The following ROBO1 variants were observed in gnomAD, a reference collection of about 807,000 sequenced individuals.
ROBO1 encodes the protein roundabout homolog 1.
A neutral mutation model predicts 195.9 loss-of-function variants in ROBO1; 149 were observed. The observed-to-expected ratio is 0.76, with a 90% CI of 0.67 to 0.87. The LOEUF (loss-of-function observed/expected upper bound fraction) is 0.87. Ranked by LOEUF, ROBO1 falls within the 40% of genes least tolerant of loss-of-function variation. The probability of loss-of-function intolerance (pLI) is 0.00; values close to 1 mark genes in which losing one functional copy is unlikely to be tolerated. For missense variants in ROBO1, 1,933 were observed against 2,068.3 expected, an observed-to-expected ratio of 0.93 and a Z score of 1.27; for synonymous variants, 816 against 733.2, an observed-to-expected ratio of 1.11 and a Z score of -1.82.
intron 8 of ROBO1, among the ~76,000 whole-genome samples, chr3:78,705,581 G>T (rs1335359361): frequency 6.6e-6 from 1 of 152,176 alleles, no homozygotes; most frequent in Non-Finnish European, 1.5e-5. Context: ...TGAATTTTAT[G>T]TGTCCATTTG....
At chr3:79,502,734 A>C (rs942244916) in intron 2 of ROBO1, among the ~76,000 whole-genome samples, 2 of 150,052 alleles carry the variant, frequency 1.3e-5, no homozygotes, top group South Asian at 4.2e-4. Context: ...AGGGATTGTA[A>C]ACACACCAAT....
chr3:79,047,280 T>C (rs577112137), intron 3 of ROBO1, among the ~76,000 whole-genome samples: 1 of 152,008 alleles, frequency 6.6e-6, no homozygotes, highest in Non-Finnish European at 1.5e-5. Flanking sequence ...GTTAAGGAGA[T>C]TTCCAAGCAA....
At chr3:79,071,720 ACATGCACACACACACACACG>A (rs1559638488) in intron 3 of ROBO1, among the ~76,000 whole-genome samples, 1 of 135,002 alleles carries the variant, frequency 7.4e-6, no homozygotes, top group South Asian at 2.1e-4. Context: ...ACACACATGC[ACATGCACACACACACACACG>A]CACACACACA....
At chr3:78,666,977 A>G (rs1207387215) in intron 14 of ROBO1, among the ~76,000 whole-genome samples, 1 of 152,060 alleles carries the variant, frequency 6.6e-6, no homozygotes, top group African/African-American at 2.4e-5. Flanking sequence ...TCCCCTCTAG[A>G]ATTACCTTTC....
At chr3:79,615,845 AT>A (rs1208104193) in intron 1 of ROBO1, among the ~76,000 whole-genome samples, 1 of 152,226 alleles carries the variant, frequency 6.6e-6, no homozygotes, top group African/African-American at 2.4e-5. Context: ...ATTTTACCGT[AT>A]AAAAATAGTG....
At chr3:79,742,394 G>C (rs370408562) in intron 1 of ROBO1, among the ~76,000 whole-genome samples, 4 of 152,120 alleles carry the variant, frequency 2.6e-5, no homozygotes, top group African/African-American at 7.2e-5. Context: ...TGGCTAAAAG[G>C]GCCAGATATG....
chr3:79,134,258 A>C (rs1175833662), intron 2 of ROBO1, among the ~76,000 whole-genome samples: 4 of 134,092 alleles, frequency 3.0e-5, no homozygotes, highest in East Asian at 2.2e-4. Context: ...AAAAGAAGAC[A>C]TTTATGCAGC....
intron 19 of ROBO1, among the ~76,000 whole-genome samples, chr3:78,649,001 C>T (rs1425669123): frequency 6.6e-6 from 1 of 151,872 alleles, no homozygotes; most frequent in Admixed American, 6.6e-5. Context: ...CCCTGGCCTT[C>T]GTGTGCAGCA....
At chr3:79,559,698 T>C (rs1942836260) in intron 2 of ROBO1, among the ~76,000 whole-genome samples, 1 of 151,948 alleles carries the variant, frequency 6.6e-6, no homozygotes, top group Non-Finnish European at 1.5e-5. Flanking sequence ...GCGGGCAGAT[T>C]ACGAGGTCAG....
chr3:79,170,085 C>G (rs1005456483), intron 2 of ROBO1, among the ~76,000 whole-genome samples: 1 of 152,100 alleles, frequency 6.6e-6, no homozygotes, highest in Non-Finnish European at 1.5e-5. Context: ...AAGTGCAAGG[C>G]CTGGGTCTTA....
intron 2 of ROBO1, among the ~76,000 whole-genome samples, chr3:79,137,283 A>G (rs1469826823): frequency 1.3e-5 from 2 of 152,104 alleles, no homozygotes; most frequent in Non-Finnish European, 2.9e-5. Context: ...TGGGAAAAGA[A>G]AAAAAGTCAG....
intron 2 of ROBO1, among the ~76,000 whole-genome samples, chr3:79,196,343 GA>G: frequency 6.9e-6 from 1 of 144,476 alleles, no homozygotes; most frequent in East Asian, 2.0e-4. Context: ...ACTATTCCTA[GA>G]AAATTAATCC....
intron 3 of ROBO1, among the ~76,000 whole-genome samples, chr3:79,029,220 A>G (rs1232591831): frequency 1.3e-5 from 2 of 152,106 alleles, no homozygotes; most frequent in Admixed American, 1.3e-4. Context: ...TAGGTTGCTT[A>G]TCACACAACA....
chr3:79,078,854 A>G, intron 3 of ROBO1, among the ~76,000 whole-genome samples: 1 of 151,762 alleles, frequency 6.6e-6, no homozygotes, highest in East Asian at 1.9e-4. Flanking sequence ...TTTAAGACAT[A>G]ACTAAACCTA....
chr3:78,931,929 T>C (rs1424961186), intron 4 of ROBO1, among the ~76,000 whole-genome samples: 2 of 152,160 alleles, frequency 1.3e-5, no homozygotes, highest in African/African-American at 4.8e-5. Context: ...TGAGGGTGAC[T>C]GTGCCACTGC....
At chr3:78,900,937 C>A (rs1028191422) in intron 4 of ROBO1, among the ~76,000 whole-genome samples, 5 of 151,996 alleles carry the variant, frequency 3.3e-5, no homozygotes, top group Admixed American at 1.3e-4. Context: ...AAATGAAATG[C>A]AACACCTTTA....
intron 2 of ROBO1, among the ~76,000 whole-genome samples, chr3:79,188,959 T>C (rs2081490697): frequency 6.6e-6 from 1 of 151,766 alleles, no homozygotes; most frequent in Non-Finnish European, 1.5e-5. Flanking sequence ...CAAGGGAGCT[T>C]GTTTGCCCCT....
intron 20 of ROBO1, among the ~76,000 whole-genome samples, chr3:78,647,000 A>T (rs1039572838): frequency 6.6e-6 from 1 of 152,010 alleles, no homozygotes; most frequent in Non-Finnish European, 1.5e-5. Flanking sequence ...AAGAACTCCA[A>T]ACTGGAAGTC....
intron 2 of ROBO1, among the ~76,000 whole-genome samples, chr3:79,279,277 AC>A (rs2031310895): frequency 6.6e-6 from 1 of 152,078 alleles, no homozygotes; most frequent in Non-Finnish European, 1.5e-5. Context: ...AAAAAAATAA[AC>A]AAACAAACAA....
Sources: gnomAD v4.1 joint callset for allele counts (sites outside exome capture counted in the v4.1 genomes callset) on GRCh38, gnomAD v4.1.1 for gene constraint, MANE v1.5 for transcripts, NCBI Gene and HGNC (gene_info 2026-07-23, HGNC 2026-07-21) for gene names.